The following TGFBR3 variants were observed in gnomAD, a reference collection of about 807,000 sequenced individuals.
The protein encoded by TGFBR3 is transforming growth factor beta receptor 3.
TGFBR3 carries 46 observed loss-of-function variants against 87.9 expected under a neutral mutation model. The observed-to-expected ratio is 0.52, with a 90% confidence interval of 0.41 to 0.67. The LOEUF is 0.67. Among genes scored for constraint, TGFBR3 ranks in the 30% least tolerant of loss-of-function variants. TGFBR3 has a pLI of 0.00. For synonymous variants in TGFBR3, 381 were observed against 391.6 expected, an observed-to-expected ratio of 0.97 and a Z score of 0.32; for missense variants, 866 against 1,041.9, an observed-to-expected ratio of 0.83 and a Z score of 2.32.
intron 2 of TGFBR3, among the ~76,000 whole-genome samples, chr1:91,807,432 C>T (rs2101030738): frequency 6.6e-6 from 1 of 152,348 alleles, no homozygotes; most frequent in South Asian, 2.1e-4. Flanking sequence ...TCCAAGAAGT[C>T]AACCACCAAC....
intron 1 of TGFBR3, among the ~76,000 whole-genome samples, chr1:91,902,491 C>A (rs1480418045): frequency 1.3e-5 from 2 of 152,160 alleles, no homozygotes; most frequent in East Asian, 3.9e-4. Flanking sequence ...CCATTTTGCC[C>A]AGGCTGGTCT....
intron 1 of TGFBR3, among the ~76,000 whole-genome samples, chr1:91,875,090 A>G (rs1231913796): frequency 6.6e-6 from 1 of 152,210 alleles, no homozygotes; most frequent in African/African-American, 2.4e-5. Context: ...TCCATTTGAC[A>G]ATATATCTAT....
chr1:91,783,011 G>C (rs866597538), intron 3 of TGFBR3, among the ~76,000 whole-genome samples: 1 of 152,344 alleles, frequency 6.6e-6, no homozygotes. Flanking sequence ...AAATGGATCA[G>C]ATGTGTGTAC....
chr1:91,835,556 G>A (rs1434903055), intron 2 of TGFBR3, among the ~76,000 whole-genome samples: 7 of 152,152 alleles, frequency 4.6e-5, no homozygotes, highest in African/African-American at 9.7e-5. Context: ...CAGGCCAGGC[G>A]TGGTGCTCAC....
chr1:91,849,818 C>G (rs1463699422), intron 2 of TGFBR3, among the ~76,000 whole-genome samples: 3 of 152,112 alleles, frequency 2.0e-5, no homozygotes, highest in Non-Finnish European at 4.4e-5. Context: ...CGAGGTGGCT[C>G]ACGCCTGTAA....
chr1:91,886,011 AC>A lies in TGFBR3; in HGVS notation c.-248del, dbSNP rs1198892001. On this transcript the variant is annotated 5_prime_UTR_variant, in exon 1 of 17. Coordinates refer to ENST00000212355, the MANE Select transcript of TGFBR3 (RefSeq NM_003243.5). ...GCCGCGGCAAAACTACGCCATCCGG[AC>A]CCGCTGGGGACTCTCACCTCCTGCA... 4.4e-6 allele frequency: 2 copies of A among 453,502 alleles called. No homozygotes were observed. The highest frequency in any genetic ancestry group is 1.6e-5 in the South Asian group (1 of 64,410). The allele number at this position is 453,502 out of a possible 1,614,324, so 28.1% of individuals were successfully genotyped here.
At chr1:91,797,683 A>G (rs1675442281) in intron 2 of TGFBR3, among the ~76,000 whole-genome samples, 1 of 152,218 alleles carries the variant, frequency 6.6e-6, no homozygotes, top group Non-Finnish European at 1.5e-5. Flanking sequence ...GATTTTTTAA[A>G]TTCCCTTTTG....
chr1:91,724,052 T>G (rs182255588), intron 7 of TGFBR3, among the ~76,000 whole-genome samples: 79 of 152,324 alleles, frequency 5.2e-4, no homozygotes, highest in African/African-American at 1.8e-3. Context: ...CTAAAGTGCT[T>G]ATGTGTGGGA....
chr1:91,732,307 G>T (rs1299309679), intron 5 of TGFBR3, among the ~76,000 whole-genome samples: 1 of 152,164 alleles, frequency 6.6e-6, no homozygotes, highest in African/African-American at 2.4e-5. Context: ...GATGAGAGCA[G>T]TTCCCAAACG....
chr1:91,690,230 A>T (rs1222776315), intron 16 of TGFBR3, among the ~76,000 whole-genome samples: 1 of 152,110 alleles, frequency 6.6e-6, no homozygotes, highest in Admixed American at 6.5e-5. Flanking sequence ...ACTATATGAG[A>T]AGCAGAATAG....
At chr1:91,695,266 C>G (rs993523541) in intron 16 of TGFBR3, among the ~76,000 whole-genome samples, 14 of 152,282 alleles carry the variant, frequency 9.2e-5, no homozygotes, top group African/African-American at 3.1e-4. Context: ...CTCTGATGGA[C>G]AGTGCTCAAT....
chr1:91,903,338 CAAAAAA>C (rs58672104), intron 1 of TGFBR3, among the ~76,000 whole-genome samples: 71 of 50,504 alleles, frequency 1.4e-3, no homozygotes, highest in South Asian at 1.9e-3. Context: ...GATTCTGCCT[CAAAAAA>C]AAAAAAAAAA....
At chr1:91,886,611 C>T (rs995516257), upstream of TGFBR3, among the ~76,000 whole-genome samples, 11 of 152,148 alleles carry the variant, frequency 7.2e-5, no homozygotes, top group African/African-American at 2.7e-4. Context: ...GTTCTGAAAC[C>T]TCAGATAATC....
chr1:91,887,236 C>CTTTTTTTTTTTTTTTTTTTTTT (rs71087977), upstream of TGFBR3, among the ~76,000 whole-genome samples: 10 of 41,414 alleles, frequency 2.4e-4, 5 homozygotes, highest in Admixed American at 8.9e-4. Flanking sequence ...GGACCTATGC[C>CTTTTTTTTTTTTTTTTTTTTTT]TTTTTTTTTT....
chr1:91,797,970 G>A (rs968665004), intron 2 of TGFBR3, among the ~76,000 whole-genome samples: 3 of 152,036 alleles, frequency 2.0e-5, no homozygotes, highest in Admixed American at 6.5e-5. Context: ...AGGCGATCAG[G>A]GCCAGAGCTG....
At chr1:91,722,459 AATT>A (rs1374643627) in intron 7 of TGFBR3, among the ~76,000 whole-genome samples, 4 of 151,364 alleles carry the variant, frequency 2.6e-5, no homozygotes, top group African/African-American at 9.7e-5. Context: ...CTAATGTTTA[AATT>A]ATTAACACAC....
chr1:91,848,130 G>T (rs1677576437), intron 2 of TGFBR3, among the ~76,000 whole-genome samples: 1 of 152,142 alleles, frequency 6.6e-6, no homozygotes. Flanking sequence ...TTTACCAAAG[G>T]TGTTCAAGGT....
Position 91,878,716 on chromosome 1 carries a change from A to G in TGFBR3, c.-114+7162T>C, listed in dbSNP as rs144616773. Among the ~76,000 whole-genome samples the G allele has an allele frequency of 4.4e-3, 668 of 152,290 alleles. 4 individuals are homozygous for G. Among genetic ancestry groups the G allele is most frequent in the African/African-American group, 0.015 (630 of 41,560 alleles). On this transcript the variant is annotated intron_variant, in intron 1 of 16. Coordinates refer to ENST00000212355, the MANE Select transcript of TGFBR3 (RefSeq NM_003243.5). Reference sequence around the variant, plus strand: ...ATTTTTCAAGGACTAATCAACTTAAATGTGTTTTTACAAATGATCCATCAG... The same window carrying G: ...ATTTTTCAAGGACTAATCAACTTAAGTGTGTTTTTACAAATGATCCATCAG...
In TGFBR3 at chr1:91,732,374, C is replaced by T. The variant is rs116021560; in HGVS notation, c.569-2401G>A. Among the ~76,000 whole-genome samples, 516 of 152,252 alleles carry T rather than the reference C, an allele frequency of 3.4e-3. 1 individual carries two copies. The highest frequency in any genetic ancestry group is 4.4e-3 in the Non-Finnish European group (299 of 68,012). On this transcript the variant is annotated intron_variant, in intron 5 of 16. Coordinates refer to ENST00000212355, the MANE Select transcript of TGFBR3 (RefSeq NM_003243.5). ...TTGAAACACTGACTGCTGGGTCCCA[C>T]CCCCAGAGTTCCTGATTCAGTTGGT...
Sources: gnomAD v4.1 joint callset for allele counts (sites outside exome capture counted in the v4.1 genomes callset) on GRCh38, gnomAD v4.1.1 for gene constraint, MANE v1.5 for transcripts, NCBI Gene and HGNC (gene_info 2026-07-23, HGNC 2026-07-21) for gene names.